The following ADAMTS20 variants were observed in gnomAD, a reference collection of about 807,000 sequenced individuals.
ADAMTS20 encodes the protein A disintegrin and metalloproteinase with thrombospondin motifs 20.
In ADAMTS20, 225 loss-of-function variants were observed where a neutral mutation model predicts 260.1. The observed-to-expected ratio is 0.87, with a 90% CI of 0.78 to 0.97. The LOEUF is 0.97. ADAMTS20 is among the 50% of genes least tolerant of loss of function. ADAMTS20 has a pLI of 0.00. For missense variants in ADAMTS20, 2,400 were observed against 2,337.7 expected (o/e 1.03, Z -0.55); for synonymous variants, 802 against 769.5 (o/e 1.04, Z -0.70).
At chr12:43,379,376 G>A (rs1271082091) in intron 31 of ADAMTS20, among the ~76,000 whole-genome samples, 1 of 152,108 alleles carries the variant, frequency 6.6e-6, no homozygotes, top group African/African-American at 2.4e-5. Flanking sequence ...GTATTAATGG[G>A]ATCTAGATGG....
chr12:43,546,890 G>C (rs9634258), intron 2 of ADAMTS20, among the ~76,000 whole-genome samples: 65,449 of 151,954 alleles, frequency 0.43, 14,387 homozygotes, highest in East Asian at 0.56. Flanking sequence ...AAAAATTATA[G>C]AGAAGAAAAG....
At chr12:43,419,062 A>C (rs1049228225) in intron 28 of ADAMTS20, among the ~76,000 whole-genome samples, 3 of 152,176 alleles carry the variant, frequency 2.0e-5, no homozygotes, top group Non-Finnish European at 4.4e-5. Flanking sequence ...ACTACTTTTA[A>C]AAAAATTAAA....
chr12:43,468,405 TG>T (rs1942193070), intron 8 of ADAMTS20, among the ~76,000 whole-genome samples, 194 bp downstream of exon 8: 2 of 152,212 alleles, frequency 1.3e-5, no homozygotes, highest in Non-Finnish European at 2.9e-5. Flanking sequence ...TTGCTTAGTC[TG>T]TTGATCTGTG....
intron 4 of ADAMTS20, among the ~76,000 whole-genome samples, chr12:43,501,603 G>T (rs1189481928): frequency 6.6e-6 from 1 of 151,934 alleles, no homozygotes; most frequent in African/African-American, 2.4e-5. Flanking sequence ...GCTTGACAAA[G>T]ATAGTAACAT....
intron 38 of ADAMTS20, among the ~76,000 whole-genome samples, chr12:43,354,848 G>T (rs1215824254): frequency 2.0e-5 from 3 of 152,118 alleles, no homozygotes; most frequent in African/African-American, 7.2e-5. Flanking sequence ...AATAAAAACT[G>T]GGCTGAAAGC....
At chr12:43,430,329 T>G in intron 23 of ADAMTS20, 23 bp downstream of exon 23, 1 of 1,600,724 alleles carries the variant, frequency 6.2e-7, no homozygotes, top group Non-Finnish European at 8.5e-7. Context: ...ATCTTTTTGT[T>G]TGTAAACCAT....
intron 3 of ADAMTS20, among the ~76,000 whole-genome samples, chr12:43,511,274 A>G (rs866805581): frequency 2.0e-5 from 3 of 152,064 alleles, no homozygotes; most frequent in South Asian, 2.1e-4. Flanking sequence ...ATGTCCAAAA[A>G]GATTCATTTT....
At chr12:43,454,151 T>A in intron 11 of ADAMTS20, 99 bp from the exon 12 acceptor site, 1 of 1,340,206 alleles carries the variant, frequency 7.5e-7, no homozygotes, top group Non-Finnish European at 1.0e-6. Flanking sequence ...AAGAACAAAC[T>A]AAACAATTTG....
chr12:43,485,723 C>G (rs185135096), intron 7 of ADAMTS20, among the ~76,000 whole-genome samples: 10 of 152,190 alleles, frequency 6.6e-5, no homozygotes, highest in African/African-American at 2.4e-4. Context: ...TCAGTAAAGT[C>G]TTAGGTTCCC....
chr12:43,405,417 C>CTAATAATAA (rs66970122), intron 28 of ADAMTS20, among the ~76,000 whole-genome samples: 31 of 135,764 alleles, frequency 2.3e-4, no homozygotes, highest in South Asian at 4.9e-4. Flanking sequence ...GACGTCTTCT[C>CTAATAATAA]TAATAATAAT....
chr12:43,414,333 T>G (rs1941089728), intron 28 of ADAMTS20, among the ~76,000 whole-genome samples: 1 of 152,170 alleles, frequency 6.6e-6, no homozygotes, highest in African/African-American at 2.4e-5. Flanking sequence ...ATCTCCCATC[T>G]ATCTACTTAA....
intron 7 of ADAMTS20, 51 bp downstream of exon 7, chr12:43,490,344 T>A: frequency 1.1e-6 from 1 of 926,306 alleles, no homozygotes; most frequent in East Asian, 3.3e-5. Context: ...TTATTGTAAA[T>A]AATTCAATAA....
chr12:43,410,329 G>T (rs1300612565), intron 28 of ADAMTS20, among the ~76,000 whole-genome samples: 1 of 152,098 alleles, frequency 6.6e-6, no homozygotes, highest in East Asian at 1.9e-4. Flanking sequence ...AAATATCTGA[G>T]CATTTAGAAA....
chr12:43,534,742 A>G (rs1233529395), intron 2 of ADAMTS20, among the ~76,000 whole-genome samples: 1 of 152,218 alleles, frequency 6.6e-6, no homozygotes. Context: ...AACAGAATGT[A>G]TACTTCACTA....
intron 3 of ADAMTS20, among the ~76,000 whole-genome samples, chr12:43,505,240 T>C (rs548798501): frequency 6.6e-6 from 1 of 152,274 alleles, no homozygotes; most frequent in East Asian, 1.9e-4. Context: ...AGTGATTTAT[T>C]GGATATGGCA....
At chr12:43,496,202 A>G (rs1942675503) in intron 4 of ADAMTS20, among the ~76,000 whole-genome samples, 1 of 152,210 alleles carries the variant, frequency 6.6e-6, no homozygotes, top group Non-Finnish European at 1.5e-5. Flanking sequence ...TGTGTGCCAG[A>G]TGTGTTCAAG....
At chr12:43,525,838 A>C (rs1028071566) in intron 3 of ADAMTS20, among the ~76,000 whole-genome samples, 1 of 152,232 alleles carries the variant, frequency 6.6e-6, no homozygotes, top group Admixed American at 6.5e-5. Flanking sequence ...TTACAACCGT[A>C]AATTAAATGC....
At chr12:43,470,062 C>T (rs1293590007) in intron 7 of ADAMTS20, among the ~76,000 whole-genome samples, 3 of 152,152 alleles carry the variant, frequency 2.0e-5, no homozygotes, top group Non-Finnish European at 4.4e-5. Flanking sequence ...AAAATTATTT[C>T]TCTGTAGAGA....
Position 43,430,478 on chromosome 12 carries a change from G to A in ADAMTS20, c.3262-7C>T, listed in dbSNP as rs773883847. 4 of 1,603,866 alleles carry A rather than the reference G, an allele frequency of 2.5e-6. No homozygotes were observed. The highest frequency in any genetic ancestry group is 3.4e-6 in the Non-Finnish European group (4 of 1,175,404). Reference sequence around the variant, plus strand: ...GTCCACATGTGGTTGTGCACTGAAAGAAGAATATAGATATTAAAAAAACAT... The same window carrying A: ...GTCCACATGTGGTTGTGCACTGAAAAAAGAATATAGATATTAAAAAAACAT... On this transcript the variant is annotated splice_region_variant and splice_polypyrimidine_tract_variant and intron_variant, in intron 22 of 38. Transcript: ENST00000389420.
Sources: allele counts gnomAD v4.1 joint callset (sites outside exome capture counted in the v4.1 genomes callset), GRCh38; gene constraint gnomAD v4.1.1; transcripts MANE v1.5; gene names NCBI Gene and HGNC (gene_info 2026-07-23, HGNC 2026-07-21).